The following ARHGEF18 variants were observed in gnomAD, a reference collection of about 807,000 sequenced individuals.
ARHGEF18 encodes the protein Rho/Rac guanine nucleotide exchange factor 18.
Under a neutral mutation model 155.7 loss-of-function variants are expected in ARHGEF18, and 93 were observed. That is an observed-to-expected ratio of 0.60 (90% CI 0.50 to 0.71). ARHGEF18 has a LOEUF of 0.71. Among genes scored for constraint, ARHGEF18 ranks in the 30% least tolerant of loss-of-function variants. ARHGEF18 has a pLI of 0.00. For synonymous variants in ARHGEF18, 742 were observed against 753.1 expected, an observed-to-expected ratio of 0.99 and a Z score of 0.24; for missense variants, 1,593 against 1,816.1, an observed-to-expected ratio of 0.88 and a Z score of 2.23.
intron 10 of ARHGEF18, among the ~76,000 whole-genome samples, chr19:7,403,766 G>C (rs991635961): frequency 6.6e-6 from 1 of 151,258 alleles, no homozygotes; most frequent in African/African-American, 2.4e-5. Flanking sequence ...TGAACTCCTT[G>C]GCTCAAGAGA....
At chr19:7,467,752 C>A in intron 26 of ARHGEF18, 68 bp downstream of exon 26, 1 of 1,382,304 alleles carries the variant, frequency 7.2e-7, no homozygotes, top group Non-Finnish European at 9.4e-7. Context: ...TGCACGAGTG[C>A]ATGCAGGTGA....
rs1372616455 is a variant in ARHGEF18 at position 7,468,914 on chromosome 19, G to A, written c.3570G>A (p.Glu1190=). Residue 1190 remains glutamate (E), a synonymous_variant, in exon 27 of 29, where the codon GAG becomes GAA. Transcript: ENST00000668164. The part of the protein sequence containing the change: ...VSMLPSGVGP[E]YAERPEVARR... ...TGCTGCCATCCGGCGTGGGGCCAGA[G>A]TACGCAGAGCGCCCCGAGGTGGCTC... is the stretch of plus-strand genomic sequence containing the variant. The A allele has an allele frequency of 8.2e-6, 13 of 1,576,334 alleles. No homozygotes were observed. The highest frequency in any genetic ancestry group is 1.1e-5 in the Non-Finnish European group (13 of 1,161,842).
At chr19:7,403,595 T>C (rs1972136565) in intron 10 of ARHGEF18, among the ~76,000 whole-genome samples, 1 of 150,176 alleles carries the variant, frequency 6.7e-6, no homozygotes, top group Non-Finnish European at 1.5e-5. Flanking sequence ...TTGCCCAGGA[T>C]AGAGGAATCA....
At chr19:7,475,525 AACACACACAC>A (rs145950630), downstream of ARHGEF18, among the ~76,000 whole-genome samples, 1 of 150,342 alleles carries the variant, frequency 6.7e-6, no homozygotes, top group African/African-American at 2.5e-5. Context: ...AAACTGTTTA[AACACACACAC>A]ACACACACAA....
chr19:7,445,072 A>G (rs1017744382), intron 14 of ARHGEF18, among the ~76,000 whole-genome samples: 3 of 152,198 alleles, frequency 2.0e-5, no homozygotes, highest in Non-Finnish European at 4.4e-5. Flanking sequence ...ACACTATTCA[A>G]TGTTACATTC....
intron 1 of ARHGEF18, among the ~76,000 whole-genome samples, chr19:7,359,974 G>A (rs575484589): frequency 8.0e-4 from 122 of 152,250 alleles, no homozygotes; most frequent in Non-Finnish European, 1.3e-3. Context: ...AGCCAACATG[G>A]TGAAACCCCA....
At chr19:7,400,061 A>G (rs1009118303) in intron 10 of ARHGEF18, among the ~76,000 whole-genome samples, 9 of 152,138 alleles carry the variant, frequency 5.9e-5, no homozygotes, top group Admixed American at 2.6e-4. Flanking sequence ...GTGAGTCACC[A>G]TGCACGGCTT....
chr19:7,474,959 C>G (rs894477789), downstream of ARHGEF18, among the ~76,000 whole-genome samples: 1 of 152,072 alleles, frequency 6.6e-6, no homozygotes, highest in Non-Finnish European at 1.5e-5. Context: ...AGTGGCTGGG[C>G]ACGGTGGCCC....
intron 4 of ARHGEF18, among the ~76,000 whole-genome samples, chr19:7,376,139 G>A (rs1970450471): frequency 6.6e-6 from 1 of 152,290 alleles, no homozygotes; most frequent in East Asian, 1.9e-4. Context: ...ACAAGGGGAT[G>A]GGGGATGTCT....
intron 10 of ARHGEF18, among the ~76,000 whole-genome samples, chr19:7,386,054 C>G (rs1224581491): frequency 4.1e-5 from 6 of 147,742 alleles, no homozygotes; most frequent in Admixed American, 6.8e-5. Context: ...CTCCTCCCCG[C>G]CACCCCCGGG....
rs1260753862 is a variant in ARHGEF18, at chr19:7,378,991, C to T, written c.600-131C>T. ...TACAGGCGTGAGCCACTGTGCCCGG[C>T]TGACTGTGGCTTTGAGTAGGGTCTG... On this transcript the variant is annotated intron_variant, in intron 6 of 28. Transcript: ENST00000668164. 5 of 733,166 alleles carry T rather than the reference C, an allele frequency of 6.8e-6. No homozygotes were observed. The East Asian group carries it at 1.1e-4, about 16-fold the overall frequency. 45.4% of individuals were successfully genotyped at this position (733,166 alleles called of 1,614,324 possible).
chr19:7,450,844 T>G (rs1012025117), intron 15 of ARHGEF18, among the ~76,000 whole-genome samples: 2 of 151,982 alleles, frequency 1.3e-5, no homozygotes, highest in East Asian at 3.9e-4. Context: ...GTTTCCGAGA[T>G]GTTAATGCGG....
chr19:7,356,579 A>C (rs751963332), intron 1 of ARHGEF18, among the ~76,000 whole-genome samples: 6 of 152,096 alleles, frequency 3.9e-5, no homozygotes, highest in Non-Finnish European at 7.4e-5. Flanking sequence ...CAGCCATCAA[A>C]GAGACACTTC....
chr19:7,407,365 G>A (rs1376422008), intron 10 of ARHGEF18, among the ~76,000 whole-genome samples: 1 of 151,258 alleles, frequency 6.6e-6, no homozygotes, highest in Non-Finnish European at 1.5e-5. Flanking sequence ...GGTGGGGGTT[G>A]AAGCGAGCCG....
chr19:7,452,029 G>T (rs2145838456), intron 16 of ARHGEF18, among the ~76,000 whole-genome samples: 1 of 152,186 alleles, frequency 6.6e-6, no homozygotes, highest in South Asian at 2.1e-4. Context: ...GCCCAGCCTG[G>T]CCTGGGGCTT....
Position 7,447,046 on chromosome 19 carries a change from T to G in ARHGEF18, c.1615T>G (p.Ser539Ala), listed in dbSNP as rs770718221. 16 of 1,612,568 alleles carry G rather than the reference T, an allele frequency of 9.9e-6. No individual in the cohort carries two copies. Among genetic ancestry groups the G allele is most frequent in the Non-Finnish European group, 1.4e-5 (16 of 1,179,658 alleles). Residue 539 changes from serine (S) to alanine (A), a missense_variant, in exon 15 of 29, where the codon TCA becomes GCA. Coordinates refer to ENST00000668164, the MANE Select transcript of ARHGEF18 (RefSeq NM_001367823.1). ...TTTCCATCCTTTTGTTTATCAGTTT[T>G]CAGGTGAAAATGGGGAGAGAATGAA... ...KIGDLLVQQF[S>A]GENGERMKEK...
chr19:7,358,669 T>C lies in ARHGEF18; in HGVS notation c.-110-4112T>C, dbSNP rs543017072. 3.3e-5 allele frequency among the ~76,000 whole-genome samples: 5 copies of C among 152,328 alleles called. No homozygotes were observed. The East Asian group carries it at 9.6e-4, about 29-fold the overall frequency. On this transcript the variant is annotated intron_variant, in intron 1 of 28. Transcript: ENST00000668164. ...GCAGAGGATAGCCTGGTGATTGGGA[T>C]CTCTTCTTTGAATTCAGAAACATCT... is the stretch of plus-strand genomic sequence containing the variant.
chr19:7,469,012 A>G lies in ARHGEF18; in HGVS notation c.3668A>G (p.Asn1223Ser). 1 of 1,600,304 alleles carries G rather than the reference A, an allele frequency of 6.2e-7. No homozygotes were observed. The highest frequency in any genetic ancestry group is 8.5e-7 in the Non-Finnish European group (1 of 1,174,536). Residue 1223 changes from asparagine to serine, a missense_variant, in exon 27 of 29, where the codon AAC becomes AGC. Coordinates refer to ENST00000668164, the MANE Select transcript of ARHGEF18 (RefSeq NM_001367823.1). ...CCCATCCAGCTGCTCAGCGCCACCA[A>G]CCAGTTCCAGAGGCAGGCGGCCGTG... The part of the protein sequence containing the change: ...DVPIQLLSAT[N>S]QFQRQAAVQQ...
Position 7,383,158 on chromosome 19 carries a change from G to T in ARHGEF18, c.922G>T (p.Gly308Cys). ...CCAGCTGTTGCAAGGGACCTTCTCCGGCCCCTCCAGCTGCCCCCTGTGTGG... is the reference window on the plus strand; with the variant it reads ...CCAGCTGTTGCAAGGGACCTTCTCCTGCCCCTCCAGCTGCCCCCTGTGTGG... Reference protein sequence around the residue: ...GHQLLQGTFSGPSSCPLCGKP... With the variant: ...GHQLLQGTFSCPSSCPLCGKP... The change falls in exon 10 of 29, where the codon GGC becomes TGC. Residue 308 changes from glycine to cysteine, a missense_variant. By Grantham distance (159) the Gly-to-Cys change is radical (BLOSUM62 -3). Transcript: ENST00000668164. 1 of 1,232,248 alleles carries T rather than the reference G, an allele frequency of 8.1e-7. No individual in the cohort carries two copies. Among genetic ancestry groups the T allele is most frequent in the Non-Finnish European group, 1.0e-6 (1 of 988,088 alleles). The allele number at this position is 1,232,248 out of a possible 1,614,324, so 76.3% of individuals were successfully genotyped here.
Sources: allele counts gnomAD v4.1 joint callset (sites outside exome capture counted in the v4.1 genomes callset), GRCh38; gene constraint gnomAD v4.1.1; transcripts MANE v1.5; gene names NCBI Gene and HGNC (gene_info 2026-07-23, HGNC 2026-07-21).